STAT4: variants seen among roughly 807,000 people sequenced by gnomAD.
STAT4 encodes signal transducer and activator of transcription 4.
Under a neutral mutation model 110.5 loss-of-function variants are expected in STAT4, and 42 were observed. The ratio of observed to expected loss-of-function variants is 0.38; its 90% CI spans 0.30 to 0.49. STAT4 has a LOEUF of 0.49. Among genes scored for constraint, STAT4 ranks in the 20% least tolerant of loss-of-function variants. The probability of loss-of-function intolerance (pLI) is 0.95; values close to 1 mark genes in which losing one functional copy is unlikely to be tolerated. For synonymous variants in STAT4, 284 were observed against 302.2 expected (o/e 0.94, Z 0.63); for missense variants, 632 against 887.9 (o/e 0.71, Z 3.66).
intron 3 of STAT4, among the ~76,000 whole-genome samples, chr2:191,124,212 C>T (rs1163918531): frequency 3.9e-5 from 6 of 152,086 alleles, no homozygotes. Flanking sequence ...ATCCCAGCAC[C>T]TTGGGACGCG....
chr2:191,080,565 A>G (rs1697436364), intron 3 of STAT4, among the ~76,000 whole-genome samples: 1 of 152,172 alleles, frequency 6.6e-6, no homozygotes, highest in South Asian at 2.1e-4. Context: ...TCAGACAAGA[A>G]CCAGGACTCA....
rs1020642093 is a variant in STAT4 at position 191,034,952 on chromosome 2, C to T, written c.1571-355G>A. 6.6e-5 allele frequency among the ~76,000 whole-genome samples: 10 copies of T among 152,162 alleles called. No homozygotes were observed. The South Asian group carries it at 1.0e-3, about 16-fold the overall frequency. On this transcript the variant is annotated intron_variant, in intron 17 of 23. Transcript: ENST00000392320. ...GCATGATGGACATGGAGAAGGCTCA[C>T]GTTGGAGACAGGAAGAGCTGCCTAA... is the stretch of plus-strand genomic sequence containing the variant.
In STAT4 at chr2:191,129,049, C is replaced by T. The variant is rs772451962; in HGVS notation, c.273+17564G>A. 1.6e-4 allele frequency among the ~76,000 whole-genome samples: 24 copies of T among 152,062 alleles called. 1 individual carries two copies. Among genetic ancestry groups the T allele is most frequent in the Non-Finnish European group, 3.1e-4 (21 of 68,018 alleles). ...GAGCTTCATGACTTCCTCCATTTGTCTTCTTAATGCTTAAAATGTGATTGA... is the reference window on the plus strand; with the variant it reads ...GAGCTTCATGACTTCCTCCATTTGTTTTCTTAATGCTTAAAATGTGATTGA... On this transcript the variant is annotated intron_variant, in intron 3 of 23. Coordinates refer to ENST00000392320, the MANE Select transcript of STAT4 (RefSeq NM_003151.4).
rs572886530 is a variant in STAT4, at chr2:191,058,328, C to T, written c.1095-109G>A. 28 of 1,189,746 alleles carry T rather than the reference C, an allele frequency of 2.4e-5. No homozygotes were observed. The highest frequency in any genetic ancestry group is 3.1e-5 in the African/African-American group (2 of 63,584). The allele number at this position is 1,189,746 out of a possible 1,614,324, so 73.7% of individuals were successfully genotyped here. A position where few individuals can be genotyped will look rare whatever the true frequency, so the allele number is the denominator to read the frequency against. The stretch of plus-strand genomic sequence containing the variant: ...ATTTATTTATTTTGAGACAGAGTCT[C>T]GCTCTGTCGTCCAGGCTGGAGTGCA... On this transcript the variant is annotated intron_variant, in intron 11 of 23. Transcript: ENST00000392320. The surrounding 1 kb of genome is among the most constrained non-coding windows in gnomAD (Gnocchi z 4.3).
At chr2:191,034,087 CA>C (rs1462937270) in intron 18 of STAT4, 82 bp from the exon 19 acceptor site, 1 of 973,358 alleles carries the variant, frequency 1.0e-6, no homozygotes, top group Non-Finnish European at 1.6e-6. Flanking sequence ...AATTTTTCAC[CA>C]AAATATTATC....
Position 191,059,967 on chromosome 2 carries a change from G to T in STAT4, c.1035-1198C>A, listed in dbSNP as rs1160654568. ...GCTGACAAGTGCCATGGAGTCCAAG[G>T]TCATTCTTCCTTTTGAAACAGGAGG... On this transcript the variant is annotated intron_variant, in intron 10 of 23. Coordinates refer to ENST00000392320, the MANE Select transcript of STAT4 (RefSeq NM_003151.4). The surrounding 1 kb of genome is among the most constrained non-coding windows in gnomAD (Gnocchi z 4.7). Among the ~76,000 whole-genome samples, 1 of 152,156 alleles carries T rather than the reference G, an allele frequency of 6.6e-6. No individual in the cohort carries two copies. The highest frequency in any genetic ancestry group is 6.5e-5 in the Admixed American group (1 of 15,270).
rs765443431 is a variant in STAT4 at position 191,140,782 on chromosome 2, G to A, written c.273+5831C>T. Among the ~76,000 whole-genome samples, 17 of 152,136 alleles carry A rather than the reference G, an allele frequency of 1.1e-4. No individual in the cohort carries two copies. In the South Asian group the frequency reaches 1.7e-3, roughly 15 times the overall value. On this transcript the variant is annotated intron_variant, in intron 3 of 23. Coordinates refer to ENST00000392320, the MANE Select transcript of STAT4 (RefSeq NM_003151.4). This position sits in a 1 kb window ranked among gnomAD's most constrained non-coding sequence, Gnocchi z 4.4. ...AAATCATTATATAAAAAATACACAC[G>A]CACAACCATGTTTATAGCAGTACAA...
In STAT4 at chr2:191,066,889, T is replaced by C. The variant is rs1697003229; in HGVS notation, c.545-374A>G. Among the ~76,000 whole-genome samples the C allele has an allele frequency of 6.6e-6, 1 of 152,090 alleles. No individual in the cohort carries two copies. Among genetic ancestry groups the C allele is most frequent in the Non-Finnish European group, 1.5e-5 (1 of 68,012 alleles). On this transcript the variant is annotated intron_variant, in intron 6 of 23. Transcript: ENST00000392320. This position sits in a 1 kb window ranked among gnomAD's most constrained non-coding sequence, Gnocchi z 4.3. The stretch of plus-strand genomic sequence containing the variant: ...AAGTAAGGAAAGCAGGGATCACCCT[T>C]TGTGCCCCTGATTAAATCATATTTG...
intron 3 of STAT4, chr2:191,131,851 GT>G: frequency 6.9e-7 from 1 of 1,455,962 alleles, no homozygotes; most frequent in Non-Finnish European, 9.1e-7. Flanking sequence ...TTGAATGCAG[GT>G]TTCTCCATGT....
At position 191,033,432 on chromosome 2, in the gene STAT4, C is replaced by A; in HGVS notation, c.1852+58G>T. ...CCATACACTTCCAAAAACTGAAATCCCAGTAACCAAATTTAAGAAAACTAA... is the reference window on the plus strand; with the variant it reads ...CCATACACTTCCAAAAACTGAAATCACAGTAACCAAATTTAAGAAAACTAA... On this transcript the variant is annotated intron_variant, in intron 20 of 23. Transcript: ENST00000392320. This position sits in a 1 kb window ranked among gnomAD's most constrained non-coding sequence, Gnocchi z 6.9. The A allele has an allele frequency of 6.4e-7, 1 of 1,552,980 alleles. No individual in the cohort carries two copies. Among genetic ancestry groups the A allele is most frequent in the South Asian group, 1.2e-5 (1 of 81,290 alleles).
chr2:191,127,890 G>T (rs1159109743), intron 3 of STAT4, among the ~76,000 whole-genome samples: 1 of 152,146 alleles, frequency 6.6e-6, no homozygotes, highest in Non-Finnish European at 1.5e-5. Flanking sequence ...ATCAACCTAG[G>T]ATAAAATAAA....
chr2:191,097,439 A>C (rs996985984), intron 3 of STAT4, among the ~76,000 whole-genome samples: 1 of 152,236 alleles, frequency 6.6e-6, no homozygotes, highest in African/African-American at 2.4e-5. Flanking sequence ...CCAATGGAAC[A>C]GAACAGAGGC....
chr2:191,129,780 AG>A (rs1221775819), intron 3 of STAT4, among the ~76,000 whole-genome samples: 2 of 152,138 alleles, frequency 1.3e-5, no homozygotes, highest in Non-Finnish European at 2.9e-5. Flanking sequence ...CAGGTCCACA[AG>A]TTTCTTTATG....
chr2:191,055,189 A>T (rs1696646400), intron 13 of STAT4, among the ~76,000 whole-genome samples: 1 of 151,766 alleles, frequency 6.6e-6, no homozygotes, highest in South Asian at 2.1e-4. Context: ...GACAATTTTT[A>T]AAATTTTTCT....
chr2:191,067,087 C>T (rs1697011442), intron 6 of STAT4, among the ~76,000 whole-genome samples: 1 of 150,580 alleles, frequency 6.6e-6, no homozygotes, highest in Non-Finnish European at 1.5e-5. Flanking sequence ...ATGCGCTCGC[C>T]TCATCGTAAA....
In STAT4 at chr2:191,035,286, G is replaced by A. The variant is rs1696012518; in HGVS notation, c.1571-689C>T. On this transcript the variant is annotated intron_variant, in intron 17 of 23. Coordinates refer to ENST00000392320, the MANE Select transcript of STAT4 (RefSeq NM_003151.4). The surrounding 1 kb of genome is among the most constrained non-coding windows in gnomAD (Gnocchi z 4.7). ...TATTGCTGCTTATGAATTAAATAAG[G>A]ATCAAAACATGTATTTCCATTAAGT... Among the ~76,000 whole-genome samples the A allele has an allele frequency of 6.6e-6, 1 of 152,104 alleles. No individual in the cohort carries two copies. The highest frequency in any genetic ancestry group is 1.5e-5 in the Non-Finnish European group (1 of 68,010).
At position 191,039,795 on chromosome 2, in the gene STAT4, C is replaced by T. The variant is rs1056494040; in HGVS notation, c.1336-498G>A. ...AGAGATAAGCTATGGGAGATAGAGC[C>T]GTCTGTGCTATTGTTACAGAACTAA... On this transcript the variant is annotated intron_variant, in intron 15 of 23. Transcript: ENST00000392320. The surrounding 1 kb of genome is among the most constrained non-coding windows in gnomAD (Gnocchi z 4.7). Among the ~76,000 whole-genome samples the T allele has an allele frequency of 2.6e-5, 4 of 152,252 alleles. No individual in the cohort carries two copies. In the Middle Eastern group the frequency reaches 0.01, roughly 388 times the overall value.
chr2:191,096,201 C>A (rs1041501001), intron 3 of STAT4, among the ~76,000 whole-genome samples: 4 of 152,168 alleles, frequency 2.6e-5, no homozygotes, highest in Non-Finnish European at 4.4e-5. Context: ...CAAAGAGGAG[C>A]TGGTACCATT....
In STAT4 at chr2:191,031,563, A is replaced by T; in HGVS notation, c.2045-47T>A. 6.6e-7 allele frequency: 1 copy of T among 1,522,862 alleles called. No individual in the cohort carries two copies. The highest frequency in any genetic ancestry group is 9.1e-7 in the Non-Finnish European group (1 of 1,104,162). 94.3% of individuals were successfully genotyped at this position (1,522,862 alleles called of 1,614,324 possible). A position where few individuals can be genotyped will look rare whatever the true frequency, so the allele number is the denominator to read the frequency against. On this transcript the variant is annotated intron_variant, in intron 21 of 23. Coordinates refer to ENST00000392320, the MANE Select transcript of STAT4 (RefSeq NM_003151.4). The surrounding 1 kb of genome is among the most constrained non-coding windows in gnomAD (Gnocchi z 4.8). ...TGTTGGGGAAAAAAATGTCAATATT[A>T]TCAATAAAACTGGGGAAAAAAGAGT...
Sources: allele counts gnomAD v4.1 joint callset (sites outside exome capture counted in the v4.1 genomes callset), GRCh38; gene constraint gnomAD v4.1.1; non-coding constraint Gnocchi (gnomAD v3.1); transcripts MANE v1.5; gene names NCBI Gene and HGNC (gene_info 2026-07-23, HGNC 2026-07-21).